Variants in USP32 observed in about 807,000 individuals in gnomAD.
USP32 encodes ubiquitin carboxyl-terminal hydrolase 32.
USP32 carries 59 observed loss-of-function variants against 204.8 expected under a neutral mutation model. The observed-to-expected ratio is 0.29, with a 90% CI of 0.23 to 0.36. The LOEUF (loss-of-function observed/expected upper bound fraction) is 0.36, where lower values mean the gene tolerates loss of function less well. Among genes scored for constraint, USP32 ranks in the 10% least tolerant of loss-of-function variants. The pLI is 1.00. For synonymous variants in USP32, 517 were observed against 678.4 expected, an observed-to-expected ratio of 0.76 and a Z score of 3.70; for missense variants, 1,160 against 1,946.4, an observed-to-expected ratio of 0.60 and a Z score of 7.60.
intron 5 of USP32, among the ~76,000 whole-genome samples, chr17:60,283,958 G>C (rs2087039178): frequency 6.6e-6 from 1 of 152,116 alleles, no homozygotes. Flanking sequence ...TATTTTAAAA[G>C]TAGGTGGTAA....
intron 9 of USP32, among the ~76,000 whole-genome samples, chr17:60,259,154 A>G (rs2086389996): frequency 6.6e-6 from 1 of 152,134 alleles, no homozygotes. Flanking sequence ...CCCTTTACAC[A>G]TTTTATGGTA....
rs1316397204 is a variant in USP32 at position 60,198,456 on chromosome 17, A to C, written c.3250-12T>G. On this transcript the variant is annotated splice_polypyrimidine_tract_variant and intron_variant, in intron 26 of 33. Coordinates refer to ENST00000300896, the MANE Select transcript of USP32 (RefSeq NM_032582.4). ...AGTTCTGTCCTCATCTGTATGTACAAACAAGAGAATAGAGAGTTCAGAAGA... is the reference window on the plus strand; with the variant it reads ...AGTTCTGTCCTCATCTGTATGTACACACAAGAGAATAGAGAGTTCAGAAGA... 2 of 1,613,266 alleles carry C rather than the reference A, an allele frequency of 1.2e-6. No individual in the cohort carries two copies. Among genetic ancestry groups the C allele is most frequent in the East Asian group, 2.2e-5 (1 of 44,866 alleles).
In USP32 at chr17:60,212,809, A is replaced by G. The variant is rs187137219; in HGVS notation, c.2105-711T>C. ...GCTTTGTCCCCCCAGGTTGGAGTGC[A>G]GTGATGTGATCTTGAGTCACTGCAA... On this transcript the variant is annotated intron_variant, in intron 18 of 33. Transcript: ENST00000300896. Among the ~76,000 whole-genome samples the G allele has an allele frequency of 7.3e-3, 1,103 of 151,088 alleles. 16 individuals are homozygous for G. Among genetic ancestry groups the G allele is most frequent in the African/African-American group, 0.026 (1,059 of 41,056 alleles).
chr17:60,226,835 G>A (rs1237189441), intron 12 of USP32, among the ~76,000 whole-genome samples: 1 of 151,858 alleles, frequency 6.6e-6, no homozygotes, highest in African/African-American at 2.4e-5. Flanking sequence ...GAGGCAGATG[G>A]ATCACTTGAG....
intron 1 of USP32, among the ~76,000 whole-genome samples, chr17:60,372,845 TAAAAAAAA>T (rs746725190): frequency 3.4e-5 from 3 of 88,396 alleles, no homozygotes; most frequent in African/African-American, 1.2e-4. Context: ...AGACCCTGTC[TAAAAAAAA>T]AAAAAAAAAA....
chr17:60,270,381 A>T (rs1218384019), intron 6 of USP32, among the ~76,000 whole-genome samples: 2 of 152,208 alleles, frequency 1.3e-5, no homozygotes, highest in African/African-American at 2.4e-5. Flanking sequence ...CAGTTTAGGG[A>T]TTAGAAAACT....
In USP32 at chr17:60,271,464, T is replaced by G; in HGVS notation, c.589A>C (p.Ile197Leu). Reference sequence around the variant, plus strand: ...AACCAATAGCGTTTCTCAAGATCAATGATGTCTGATTCCTCCACTAAGGGT... The same window carrying G: ...AACCAATAGCGTTTCTCAAGATCAAGGATGTCTGATTCCTCCACTAAGGGT... The part of the protein sequence containing the change: ...GVTHLEESDI[I>L]DLEKRYWLLK... The change falls in exon 6 of 34, where the codon ATT (isoleucine) becomes CTT (leucine). Residue 197 changes from isoleucine (I) to leucine (L), a missense_variant. Physicochemically the swap from Ile to Leu is conservative, Grantham distance 5. Transcript: ENST00000300896. 2 of 1,614,038 alleles carry G rather than the reference T, an allele frequency of 1.2e-6. No homozygotes were observed. The highest frequency in any genetic ancestry group is 1.7e-6 in the Non-Finnish European group (2 of 1,179,948).
chr17:60,222,653 G>T, intron 14 of USP32, 104 bp from the exon 15 acceptor site: 223 of 813,476 alleles, frequency 2.7e-4, no homozygotes, highest in South Asian at 6.4e-4. Context: ...TCACCACCCA[G>T]TTTCATGTTG....
chr17:60,325,012 C>CA (rs1192920267), intron 2 of USP32, among the ~76,000 whole-genome samples: 1 of 151,824 alleles, frequency 6.6e-6, no homozygotes, highest in Non-Finnish European at 1.5e-5. Flanking sequence ...TCAAAAAAAA[C>CA]AAAAAACTGT....
At chr17:60,187,739 TTTATCAGTA>T (rs2084285404) in intron 29 of USP32, among the ~76,000 whole-genome samples, 1 of 152,222 alleles carries the variant, frequency 6.6e-6, no homozygotes, top group South Asian at 2.1e-4. Flanking sequence ...ATAATTTCTA[TTTATCAGTA>T]AATTTCCCAA....
Position 60,245,858 on chromosome 17 carries a change from G to GT in USP32, c.1136+6522dup, listed in dbSNP as rs961655733. Among the ~76,000 whole-genome samples the GT allele has an allele frequency of 1.9e-3, 274 of 145,910 alleles. 4 individuals carry two copies. Among genetic ancestry groups the GT allele is most frequent in the East Asian group, 0.011 (55 of 4,940 alleles). ...GTTCACCTTCTTTTTTTTTTAATGTGTTTTTTTTTAAAAAGCTTTAAAAAT... is the reference window on the plus strand; with the variant it reads ...GTTCACCTTCTTTTTTTTTTAATGTGTTTTTTTTTTAAAAAGCTTTAAAAAT... On this transcript the variant is annotated intron_variant, in intron 11 of 33. Transcript: ENST00000300896.
In USP32 at chr17:60,177,963, C is replaced by T. The variant is rs953297987; in HGVS notation, c.*1292G>A. Among the ~76,000 whole-genome samples the T allele has an allele frequency of 6.6e-6, 1 of 151,920 alleles. No homozygotes were observed. The highest frequency in any genetic ancestry group is 2.4e-5 in the African/African-American group (1 of 41,346). On this transcript the variant is annotated 3_prime_UTR_variant, in exon 34 of 34. Coordinates refer to ENST00000300896, the MANE Select transcript of USP32 (RefSeq NM_032582.4). ...CCTTCAAGTATATATTAAAAAACTACACGAAAAAAATGCTACCTGAAATAA... is the reference window on the plus strand; with the variant it reads ...CCTTCAAGTATATATTAAAAAACTATACGAAAAAAATGCTACCTGAAATAA...
upstream of USP32, among the ~76,000 whole-genome samples, chr17:60,395,239 T>A (rs1047701830): frequency 6.6e-6 from 1 of 152,204 alleles, no homozygotes; most frequent in Admixed American, 6.5e-5. Flanking sequence ...TTTTAAGATT[T>A]CCTCTTTAAG....
intron 4 of USP32, among the ~76,000 whole-genome samples, chr17:60,290,925 T>A (rs1349155957): frequency 6.6e-6 from 1 of 152,208 alleles, no homozygotes; most frequent in Non-Finnish European, 1.5e-5. Flanking sequence ...GATCTGATGC[T>A]ATCTCCAGGT....
chr17:60,219,136 G>A (rs2627898), intron 16 of USP32, among the ~76,000 whole-genome samples: 94 of 152,138 alleles, frequency 6.2e-4, no homozygotes, highest in Non-Finnish European at 1.1e-3. Context: ...TGTCTCTTAT[G>A]TAAAGCCTCT....
intron 11 of USP32, chr17:60,249,462 G>A (rs2145699305): frequency 2.4e-6 from 1 of 416,836 alleles, no homozygotes; most frequent in East Asian, 4.4e-5. Context: ...TTGTTAGTCT[G>A]CTGCTTCCCC....
At chr17:60,369,601 A>C (rs1352384808) in intron 1 of USP32, among the ~76,000 whole-genome samples, 1 of 152,196 alleles carries the variant, frequency 6.6e-6, no homozygotes, top group African/African-American at 2.4e-5. Context: ...AACAATTGGC[A>C]GATCTGACAT....
At chr17:60,349,578 GAAAAAAAAAA>G (rs757370384) in intron 1 of USP32, among the ~76,000 whole-genome samples, 4 of 27,720 alleles carry the variant, frequency 1.4e-4, no homozygotes, top group Admixed American at 6.6e-4. Context: ...TGTCTCAAAA[GAAAAAAAAAA>G]AAAAAAAAAT....
chr17:60,421,361 G>A, intron 1 of USP32: 3 of 985,504 alleles, frequency 3.0e-6, no homozygotes, highest in Non-Finnish European at 2.4e-6. Flanking sequence ...CGGGCCTCCG[G>A]GCTACCCCTA....
Sources: gnomAD v4.1 joint callset for allele counts (sites outside exome capture counted in the v4.1 genomes callset) on GRCh38, gnomAD v4.1.1 for gene constraint, MANE v1.5 for transcripts, NCBI Gene and HGNC (gene_info 2026-07-23, HGNC 2026-07-21) for gene names.